OSBP2: variants seen among roughly 807,000 people sequenced by gnomAD.
OSBP2 encodes oxysterol binding protein 2.
Under a neutral mutation model 96.0 loss-of-function variants are expected in OSBP2, and 66 were observed. The observed-to-expected ratio is 0.69, with a 90% confidence interval of 0.56 to 0.84. OSBP2 has a LOEUF of 0.84. OSBP2 is among the 40% of genes least tolerant of loss of function. The pLI is 0.00. For synonymous variants in OSBP2, 525 were observed against 520.9 expected, an observed-to-expected ratio of 1.01 and a Z score of -0.11; for missense variants, 1,038 against 1,222.7, an observed-to-expected ratio of 0.85 and a Z score of 2.25.
Position 30,889,229 on chromosome 22 carries a change from G to C in OSBP2, c.1471G>C (p.Asp491His). Residue 491 changes from aspartate (D) to histidine (H), a missense_variant, in exon 6 of 14, where the codon GAC becomes CAC. Asp to His is a moderately conservative substitution (Grantham distance 81, BLOSUM62 -1). This residue lies in a region of OSBP2 where 737 missense variants were observed against 913.3 expected (regional missense o/e 0.81). Coordinates refer to ENST00000332585, the MANE Select transcript of OSBP2 (RefSeq NM_030758.4). ...GTSSVDWSSA[D>H]NVLDGASLVP... ...AAGTTCCGTGGACTGGAGCTCAGCA[G>C]ACAATGTAAGTGAGGGGGAGCACTG... 1.2e-6 allele frequency: 2 copies of C among 1,613,142 alleles called. No individual in the cohort carries two copies. Among genetic ancestry groups the C allele is most frequent in the Non-Finnish European group, 1.7e-6 (2 of 1,179,820 alleles).
chr22:30,857,915 G>A (rs188463694), intron 2 of OSBP2, among the ~76,000 whole-genome samples: 105 of 152,202 alleles, frequency 6.9e-4, no homozygotes, highest in Middle Eastern at 3.4e-3. Flanking sequence ...TGCAGAACTC[G>A]GCCAACCCAG....
intron 1 of OSBP2, among the ~76,000 whole-genome samples, chr22:30,730,768 CTCTCTCTATA>C (rs2089751610): frequency 2.1e-4 from 7 of 32,562 alleles, no homozygotes; most frequent in East Asian, 1.0e-3. Flanking sequence ...CTCTCTCTCT[CTCTCTCTATA>C]TATATATATA....
At chr22:30,795,138 T>C (rs1385184077) in intron 2 of OSBP2, among the ~76,000 whole-genome samples, 4 of 151,958 alleles carry the variant, frequency 2.6e-5, no homozygotes, top group Admixed American at 2.6e-4. Flanking sequence ...CTTGAGCACC[T>C]GAGCTCAAGT....
intron 2 of OSBP2, among the ~76,000 whole-genome samples, chr22:30,751,109 C>T (rs1476751287): frequency 6.6e-6 from 1 of 152,156 alleles, no homozygotes; most frequent in Non-Finnish European, 1.5e-5. Flanking sequence ...CCTGGAAACC[C>T]TGCCCACTTC....
Position 30,783,397 on chromosome 22 carries a change from C to T in OSBP2, c.853+42028C>T, listed in dbSNP as rs190283336. ...GTGGTGTGATTGCAGCTCACTGCAG[C>T]CTCCAAACCTCCACCTCCTGGGTTC... is the stretch of plus-strand genomic sequence containing the variant. On this transcript the variant is annotated intron_variant, in intron 2 of 13. Transcript: ENST00000332585. Among the ~76,000 whole-genome samples the T allele has an allele frequency of 2.1e-5, 3 of 144,042 alleles. No individual in the cohort carries two copies. In the East Asian group the frequency reaches 6.2e-4, roughly 30 times the overall value. The allele number at this position is 144,042 out of a possible 152,430, so 94.5% of individuals were successfully genotyped here.
intron 2 of OSBP2, among the ~76,000 whole-genome samples, chr22:30,811,097 A>G (rs1312172910): frequency 1.3e-5 from 2 of 151,758 alleles, no homozygotes; most frequent in African/African-American, 4.8e-5. Flanking sequence ...TATACTCACC[A>G]ATTTGTCAGT....
chr22:30,785,583 AC>A (rs368121234), intron 2 of OSBP2, among the ~76,000 whole-genome samples: 18,796 of 84,726 alleles, frequency 0.22, 1,253 homozygotes, highest in African/African-American at 0.33. Context: ...AAAAAAAAAA[AC>A]AGGCTTAATC....
chr22:30,894,009 G>C lies in OSBP2; in HGVS notation c.2375+8G>C, dbSNP rs377040793. 78 of 1,579,890 alleles carry C rather than the reference G, an allele frequency of 4.9e-5. 1 individual carries two copies. The South Asian group carries it at 5.5e-4, about 11-fold the overall frequency. ...GAAGAAGTACCCGCTGCCGTGAGTA[G>C]GGCTGGCAGGGGCCCCGCCACAGGC... is the stretch of plus-strand genomic sequence containing the variant. On this transcript the variant is annotated splice_region_variant and intron_variant, in intron 12 of 13. Transcript: ENST00000332585.
chr22:30,889,719 A>T (rs2039901482), intron 7 of OSBP2, 83 bp downstream of exon 7: 3 of 1,268,788 alleles, frequency 2.4e-6, no homozygotes, highest in African/African-American at 1.5e-5. Context: ...GGCCTGTGTG[A>T]AGTACACACA....
chr22:30,845,295 G>A lies in OSBP2; in HGVS notation c.854-25134G>A, dbSNP rs147225663. On this transcript the variant is annotated intron_variant, in intron 2 of 13. Coordinates refer to ENST00000332585, the MANE Select transcript of OSBP2 (RefSeq NM_030758.4). The stretch of plus-strand genomic sequence containing the variant: ...ATATACAAAAACTTAGCCAGGCGTG[G>A]TGGTAGGTGCCTGTAATCCCAGGAG... Among the ~76,000 whole-genome samples, 1,228 of 152,278 alleles carry A rather than the reference G, an allele frequency of 8.1e-3. 57 individuals carry two copies. The highest frequency in any genetic ancestry group is 0.068 in the Admixed American group (1,035 of 15,294).
chr22:30,774,595 G>A (rs532766799), intron 2 of OSBP2, among the ~76,000 whole-genome samples: 3 of 152,156 alleles, frequency 2.0e-5, no homozygotes, highest in African/African-American at 7.2e-5. Context: ...AGCACAGACC[G>A]TGCAAATCCC....
chr22:30,896,325 G>A (rs981177492), intron 12 of OSBP2, among the ~76,000 whole-genome samples: 1 of 152,026 alleles, frequency 6.6e-6, no homozygotes, highest in East Asian at 1.9e-4. Context: ...CAGCCTAAAA[G>A]TTATTTTTTA....
Position 30,905,812 on chromosome 22 carries a change from GCCACCGCCACCA to G in OSBP2, c.2376-14_2376-3del, listed in dbSNP as rs746510059. On this transcript the variant is annotated splice_polypyrimidine_tract_variant and intron_variant, in intron 12 of 13. Coordinates refer to ENST00000332585, the MANE Select transcript of OSBP2 (RefSeq NM_030758.4). Reference sequence around the variant, plus strand: ...TGGTCCGGCTCACACCGCAGCCACCGCCACCGCCACCACCACCGCCACAGGGAGAACGCGGAG... The same window carrying G: ...TGGTCCGGCTCACACCGCAGCCACCGCCACCGCCACAGGGAGAACGCGGAG... 239 of 1,609,838 alleles carry G rather than the reference GCCACCGCCACCA, an allele frequency of 1.5e-4. 1 individual carries two copies. The East Asian group carries it at 2.9e-3, about 19-fold the overall frequency.
At chr22:30,707,030 T>C (rs1009244773) in intron 1 of OSBP2, among the ~76,000 whole-genome samples, 4 of 152,166 alleles carry the variant, frequency 2.6e-5, no homozygotes, top group Non-Finnish European at 4.4e-5. Flanking sequence ...TAGGGCCATG[T>C]CTTCTCAATG....
At chr22:30,794,957 C>T (rs2145831811) in intron 2 of OSBP2, among the ~76,000 whole-genome samples, 1 of 149,830 alleles carries the variant, frequency 6.7e-6, no homozygotes, top group African/African-American at 2.5e-5. Flanking sequence ...GTCACCCAGG[C>T]TGGAGTGCAG....
intron 3 of OSBP2, among the ~76,000 whole-genome samples, chr22:30,882,177 C>A (rs1456785058): frequency 1.3e-5 from 2 of 152,172 alleles, no homozygotes; most frequent in African/African-American, 4.8e-5. Flanking sequence ...TGGGAGGCCA[C>A]CCCTTCTCCC....
At chr22:30,760,714 G>C (rs540868730) in intron 2 of OSBP2, among the ~76,000 whole-genome samples, 1 of 152,058 alleles carries the variant, frequency 6.6e-6, no homozygotes, top group East Asian at 1.9e-4. Context: ...TACTTAGGAG[G>C]CTGAGTCAGG....
chr22:30,717,596 TTACAA>T (rs1227482923), intron 1 of OSBP2, among the ~76,000 whole-genome samples: 1 of 152,160 alleles, frequency 6.6e-6, no homozygotes, highest in Non-Finnish European at 1.5e-5. Flanking sequence ...AGCCCTGTAC[TTACAA>T]AAAGAATGAT....
intron 2 of OSBP2, among the ~76,000 whole-genome samples, chr22:30,850,146 A>C (rs768306326): frequency 1.2e-4 from 19 of 152,004 alleles, no homozygotes; most frequent in Non-Finnish European, 2.4e-4. Context: ...TCTACTAAAA[A>C]TACAAAAAAA....
Sources: gnomAD v4.1 joint callset for allele counts (sites outside exome capture counted in the v4.1 genomes callset) on GRCh38, gnomAD v4.1.1 for gene constraint, gnomAD v4.1.1 regional missense constraint, MANE v1.5 for transcripts, NCBI Gene and HGNC (gene_info 2026-07-23, HGNC 2026-07-21) for gene names.